PCDH9: variants seen among roughly 807,000 people sequenced by gnomAD.
PCDH9 encodes the protein protocadherin-9.
Under a neutral mutation model 70.6 loss-of-function variants are expected in PCDH9, and 24 were observed. That is an observed-to-expected ratio of 0.34 (90% confidence interval 0.25 to 0.48). The LOEUF (loss-of-function observed/expected upper bound fraction) is 0.48. Among genes scored for constraint, PCDH9 ranks in the 20% least tolerant of loss-of-function variants. PCDH9 has a pLI of 0.99. For missense variants in PCDH9, 1,281 were observed against 1,503.6 expected (o/e 0.85, Z 2.45); for synonymous variants, 562 against 558.5 (o/e 1.01, Z -0.09).
chr13:67,021,103 T>C (rs1201576239), intron 2 of PCDH9, among the ~76,000 whole-genome samples: 1 of 152,230 alleles, frequency 6.6e-6, no homozygotes, highest in Non-Finnish European at 1.5e-5. Context: ...GTTTCAGTCT[T>C]CCTTTACATT....
intron 4 of PCDH9, among the ~76,000 whole-genome samples, chr13:66,339,549 A>G (rs553091056): frequency 2.0e-4 from 30 of 152,262 alleles, no homozygotes; most frequent in African/African-American, 7.2e-4. Context: ...GTTGAAAACT[A>G]TTAAGATAGT....
chr13:66,351,821 C>CA (rs1956295881), intron 4 of PCDH9, among the ~76,000 whole-genome samples: 1 of 144,776 alleles, frequency 6.9e-6, no homozygotes, highest in African/African-American at 2.5e-5. Context: ...TTACACATTC[C>CA]TTTTTTTTTT....
intron 3 of PCDH9, among the ~76,000 whole-genome samples, chr13:66,798,733 T>C (rs1219073350): frequency 1.3e-5 from 2 of 152,186 alleles, no homozygotes; most frequent in East Asian, 3.8e-4. Context: ...TAATTTGAAA[T>C]GCCTGGTATA....
intron 3 of PCDH9, among the ~76,000 whole-genome samples, chr13:66,861,523 T>G (rs2081484277): frequency 1.3e-5 from 2 of 152,144 alleles, no homozygotes; most frequent in Admixed American, 1.3e-4. Context: ...TGTCACAAGT[T>G]TTACTCTCCC....
intron 2 of PCDH9, among the ~76,000 whole-genome samples, chr13:67,102,972 A>G (rs2138244767): frequency 6.6e-6 from 1 of 152,264 alleles, no homozygotes; most frequent in South Asian, 2.1e-4. Context: ...TCAATAACAC[A>G]TTAAAATATA....
intron 2 of PCDH9, among the ~76,000 whole-genome samples, chr13:67,078,930 T>A (rs1241782010): frequency 6.6e-6 from 1 of 152,142 alleles, no homozygotes; most frequent in Non-Finnish European, 1.5e-5. Context: ...CAGTGGCCAG[T>A]CTGGACCTAG....
chr13:66,557,363 ATAAC>A (rs1228585941), intron 4 of PCDH9, among the ~76,000 whole-genome samples: 1 of 152,236 alleles, frequency 6.6e-6, no homozygotes, highest in African/African-American at 2.4e-5. Flanking sequence ...CAAATTATCA[ATAAC>A]AAACAATATA....
At chr13:66,520,818 T>C (rs1959957646) in intron 4 of PCDH9, among the ~76,000 whole-genome samples, 1 of 152,144 alleles carries the variant, frequency 6.6e-6, no homozygotes, top group African/African-American at 2.4e-5. Flanking sequence ...AAAGGGCCTG[T>C]TTCTGTGACA....
At position 67,214,650 on chromosome 13, in the gene PCDH9, AAAC is replaced by A. The variant is rs990440678; in HGVS notation, c.3036+10752_3036+10754del. The A allele has an allele frequency of 7.9e-5, 12 of 152,204 alleles. No homozygotes were observed. The South Asian group carries it at 2.1e-3, about 26-fold the overall frequency. 9.4% of individuals were successfully genotyped at this position (152,204 alleles called of 1,614,324 possible). On this transcript the variant is annotated intron_variant, in intron 2 of 4. Coordinates refer to ENST00000377865, the MANE Select transcript of PCDH9 (RefSeq NM_203487.3). The stretch of plus-strand genomic sequence containing the variant: ...GTGAAACAACAGGGATTAAGATAAA[AAAC>A]AACATCAAATATGCTATATTGAGAT...
intron 4 of PCDH9, among the ~76,000 whole-genome samples, chr13:66,573,194 A>AT (rs1486801294): frequency 2.1e-5 from 3 of 140,332 alleles, no homozygotes; most frequent in Admixed American, 1.4e-4. Context: ...GATGCTGAAC[A>AT]TTTTTTTCAT....
At chr13:66,526,057 C>A (rs1286836316) in intron 4 of PCDH9, among the ~76,000 whole-genome samples, 1 of 152,048 alleles carries the variant, frequency 6.6e-6, no homozygotes, top group Non-Finnish European at 1.5e-5. Context: ...TCATTCCTTG[C>A]TACATTCTTA....
chr13:67,022,873 G>A (rs1303345658), intron 2 of PCDH9, among the ~76,000 whole-genome samples: 1 of 152,208 alleles, frequency 6.6e-6, no homozygotes, highest in Non-Finnish European at 1.5e-5. Flanking sequence ...GGAATGGGGT[G>A]CAATTATTGT....
intron 2 of PCDH9, among the ~76,000 whole-genome samples, chr13:67,087,110 A>G (rs78125847): frequency 6.8e-6 from 1 of 146,652 alleles, no homozygotes; most frequent in East Asian, 2.1e-4. Flanking sequence ...AAAAAAAAAA[A>G]TTAAAGGATA....
At chr13:66,775,870 C>CAGAA (rs2079883885) in intron 3 of PCDH9, among the ~76,000 whole-genome samples, 1 of 151,982 alleles carries the variant, frequency 6.6e-6, no homozygotes, top group Non-Finnish European at 1.5e-5. Context: ...CTGTGTTGAC[C>CAGAA]CTTTAGATGA....
intron 3 of PCDH9, among the ~76,000 whole-genome samples, chr13:66,825,809 C>T (rs955488123): frequency 6.6e-6 from 1 of 152,092 alleles, no homozygotes; most frequent in African/African-American, 2.4e-5. Flanking sequence ...AAGAATATGG[C>T]TGATAGACAA....
At chr13:66,682,166 G>C (rs940107940) in intron 3 of PCDH9, among the ~76,000 whole-genome samples, 1 of 151,334 alleles carries the variant, frequency 6.6e-6, no homozygotes, top group Non-Finnish European at 1.5e-5. Flanking sequence ...TTTAGAGATT[G>C]TTTTTCCCCA....
intron 4 of PCDH9, among the ~76,000 whole-genome samples, chr13:66,445,739 T>C (rs1017604581): frequency 3.4e-5 from 5 of 145,632 alleles, no homozygotes; most frequent in Non-Finnish European, 7.5e-5. Context: ...ACATATATAT[T>C]ATATATACAC....
intron 2 of PCDH9, among the ~76,000 whole-genome samples, chr13:67,009,016 T>C (rs916553255): frequency 2.0e-5 from 3 of 152,110 alleles, no homozygotes; most frequent in African/African-American, 7.2e-5. Context: ...AAAACAAAAC[T>C]ATTTTATTTT....
chr13:66,805,170 T>C (rs1476345821), intron 3 of PCDH9, among the ~76,000 whole-genome samples: 1 of 152,222 alleles, frequency 6.6e-6, no homozygotes, highest in Non-Finnish European at 1.5e-5. Context: ...CTTTGTTCAA[T>C]GTTACATAAA....
Sources: allele counts gnomAD v4.1 joint callset (sites outside exome capture counted in the v4.1 genomes callset), GRCh38; gene constraint gnomAD v4.1.1; transcripts MANE v1.5; gene names NCBI Gene and HGNC (gene_info 2026-07-23, HGNC 2026-07-21).